The following RHOT2 variants were observed in gnomAD, a reference collection of about 807,000 sequenced individuals.
RHOT2 encodes the protein ras homolog family member T2, also known as mitochondrial Rho GTPase 2.
In RHOT2, 90 loss-of-function variants were observed where a neutral mutation model predicts 81.6. The ratio of observed to expected loss-of-function variants is 1.10; its 90% CI spans 0.93 to 1.31. RHOT2 has a LOEUF of 1.31. RHOT2 is among the 40% of genes most tolerant of loss of function. RHOT2 has a pLI of 0.00. For missense variants in RHOT2, 1,014 were observed against 841.9 expected (o/e 1.20, Z -2.53); for synonymous variants, 512 against 370.9 (o/e 1.38, Z -4.37).
In RHOT2 at chr16:671,166, G is replaced by C. The variant is rs376099799; in HGVS notation, c.832G>C (p.Asp278His). ...CATCCTGCGGCGCTTCGGCTACAGC[G>C]ATGCCCTGGAGCTGACTGCGGACTA... ...WTILRRFGYS[D>H]ALELTADYLS... Residue 278 changes from aspartate (D) to histidine (H), a missense_variant, in exon 11 of 19, where the codon GAT (aspartate) becomes CAT (histidine). By Grantham distance (81) the Asp-to-His change is moderately conservative (BLOSUM62 -1). Transcript: ENST00000315082. 3.8e-6 allele frequency: 6 copies of C among 1,589,334 alleles called. No homozygotes were observed. The African/African-American group carries it at 8.1e-5, about 21-fold the overall frequency.
chr16:668,651 C>G lies in RHOT2; in HGVS notation c.179-5C>G. ...GTCCGCAGTGGAGTCTCTTTGTCCC[C>G]CTAGAAGCCGAGCAGACGGACGAGG... On this transcript the variant is annotated splice_region_variant and splice_polypyrimidine_tract_variant and intron_variant, in intron 3 of 18. Transcript: ENST00000315082. 2.5e-6 allele frequency: 4 copies of G among 1,606,894 alleles called. No homozygotes were observed. Among genetic ancestry groups the G allele is most frequent in the Non-Finnish European group, 3.4e-6 (4 of 1,177,608 alleles).
Position 671,180 on chromosome 16 carries a change from G to C in RHOT2, c.846G>C (p.Leu282=), listed in dbSNP as rs2038871821. ...RRFGYSDALE[L]TADYLSPLIH... is the part of the protein sequence containing the mutation. ...TCGGCTACAGCGATGCCCTGGAGCT[G>C]ACTGCGGACTATCTCTCCCCTCTGT... Residue 282 remains leucine (L), a synonymous_variant, in exon 11 of 19, where the codon CTG becomes CTC. Transcript: ENST00000315082. 6.4e-7 allele frequency: 1 copy of C among 1,571,622 alleles called. No homozygotes were observed. Among genetic ancestry groups the C allele is most frequent in the East Asian group, 2.3e-5 (1 of 44,400 alleles).
At position 673,552 on chromosome 16, in the gene RHOT2, C is replaced by T. The variant is rs746071248; in HGVS notation, c.1803C>T (p.Ala601=). The T allele has an allele frequency of 2.0e-5, 32 of 1,612,144 alleles. No individual in the cohort carries two copies. The highest frequency in any genetic ancestry group is 2.7e-5 in the African/African-American group (2 of 74,898). Residue 601 remains alanine (A), a synonymous_variant, in exon 19 of 19, where the codon GCC becomes GCT. Transcript: ENST00000315082. ...GGCTGCTGGGGGTTGTCGGGGCCGC[C>T]GTGGCCGCAGTCCTCAGCTTCTCAC... ...LRGLLGVVGA[A]VAAVLSFSLY... is the part of the protein sequence containing the mutation.
At position 671,194 on chromosome 16, in the gene RHOT2, TCTCCC is replaced by T. The variant is rs781571887; in HGVS notation, c.864_868del (p.Pro289AspfsTer24). On this transcript the variant is annotated frameshift_variant, in exon 11 of 19. Coordinates refer to ENST00000315082, the MANE Select transcript of RHOT2 (RefSeq NM_138769.3). LOFTEE classifies it high-confidence loss of function. ...GCCCTGGAGCTGACTGCGGACTATCTCTCCCCTCTGTGAGTGATGCCGGGGCTTGA... is the reference window on the plus strand; with the variant it reads ...GCCCTGGAGCTGACTGCGGACTATCTCTCTGTGAGTGATGCCGGGGCTTGA... The T allele has an allele frequency of 3.2e-6, 5 of 1,554,028 alleles. No homozygotes were observed. In the South Asian group the frequency reaches 5.9e-5, roughly 18 times the overall value.
At chr16:672,847 G>A (rs772072698) in intron 17 of RHOT2, 22 bp downstream of exon 17, 34 of 1,612,510 alleles carry the variant, frequency 2.1e-5, no homozygotes, top group South Asian at 1.5e-4. Context: ...CAGGGGCCAC[G>A]TGGCCATGGG....
In RHOT2 at chr16:668,401, TC is replaced by T; in HGVS notation, c.90del (p.Glu31ArgfsTer71). 6.7e-7 allele frequency: 1 copy of T among 1,484,140 alleles called. No individual in the cohort carries two copies. 91.9% of individuals were successfully genotyped at this position (1,484,140 alleles called of 1,614,324 possible). ...ATCCTGTCCCTGGTGGGCGAGGAGT[TC>T]CCCGAGGAGGTAAGGGGCACGCCCG... ...SLILSLVGEE[F>X]PEEVPPRAEE... On this transcript the variant is annotated frameshift_variant, in exon 2 of 19. Transcript: ENST00000315082. LOFTEE classifies it high-confidence loss of function.
At position 669,745 on chromosome 16, in the gene RHOT2, C is replaced by CA. The variant is rs529967248; in HGVS notation, c.276+140dup. Reference sequence around the variant, plus strand: ...GACGTGGAGTTGCCTGACGTGGAGTCACCCGGCCCTCTCCTGTGATCCCAC... The same window carrying CA: ...GACGTGGAGTTGCCTGACGTGGAGTCAACCCGGCCCTCTCCTGTGATCCCAC... On this transcript the variant is annotated intron_variant, in intron 5 of 18. Transcript: ENST00000315082. 276 of 822,222 alleles carry CA rather than the reference C, an allele frequency of 3.4e-4. 1 individual carries two copies. The African/African-American group carries it at 4.2e-3, about 13-fold the overall frequency. The allele number at this position is 822,222 out of a possible 1,614,324, so 50.9% of individuals were successfully genotyped here.
intron 5 of RHOT2, 169 bp downstream of exon 5, chr16:669,775 C>T (rs1236593434): frequency 5.7e-6 from 4 of 698,976 alleles, no homozygotes; most frequent in Non-Finnish European, 9.9e-6. Context: ...TCCCACTTCC[C>T]CTGAGAGGGT....
intron 8 of RHOT2, 44 bp downstream of exon 8, chr16:670,601 CA>C (rs1369982789): frequency 1.3e-6 from 2 of 1,599,752 alleles, no homozygotes; most frequent in African/African-American, 1.3e-5. Flanking sequence ...CCCAGGGGCC[CA>C]GGGGGTGCTG....
In RHOT2 at chr16:669,584, C is replaced by CT. The variant is rs755703508; in HGVS notation, c.255dup (p.Glu86Ter). On this transcript the variant is annotated frameshift_variant, in exon 5 of 19. Transcript: ENST00000315082. LOFTEE classifies it high-confidence loss of function. ...GTGGTGTGTGTGGTGTATGACGTCT[C>CT]TGAGGAGGCCACCATTGAGAAGGTG... The CT allele has an allele frequency of 1.7e-5, 27 of 1,611,986 alleles. No homozygotes were observed. The highest frequency in any genetic ancestry group is 2.3e-5 in the Non-Finnish European group (27 of 1,179,936).
In RHOT2 at chr16:670,686, G is replaced by T; in HGVS notation, c.552G>T (p.Ala184=). The change falls in exon 9 of 19, where the codon GCG becomes GCT. Residue 184 remains alanine, a synonymous_variant. Transcript: ENST00000315082. ...CAACATCCCCACAGTTGAGGCCCGCGTGCGCCCAGGCGCTGACGCGCATCT... is the reference window on the plus strand; with the variant it reads ...CAACATCCCCACAGTTGAGGCCCGCTTGCGCCCAGGCGCTGACGCGCATCT... The part of the protein sequence containing the change: ...YDPEAKQLRP[A]CAQALTRIFR... 6.2e-7 allele frequency: 1 copy of T among 1,612,280 alleles called. No individual in the cohort carries two copies.
intron 9 of RHOT2, 40 bp downstream of exon 9, chr16:670,813 A>G: frequency 6.2e-7 from 1 of 1,605,428 alleles, no homozygotes; most frequent in Non-Finnish European, 8.5e-7. Flanking sequence ...GCCCCCTTGA[A>G]CCTCCGCTGC....
At chr16:673,302 G>A (rs2039278953) in intron 18 of RHOT2, 172 bp downstream of exon 18, 6 of 1,209,674 alleles carry the variant, frequency 5.0e-6, no homozygotes, top group Non-Finnish European at 7.1e-6. Flanking sequence ...GGAGCTTTGT[G>A]TGGCAGAGGG....
At position 673,132 on chromosome 16, in the gene RHOT2, TG is replaced by T; in HGVS notation, c.1730+5del. 5 of 1,610,398 alleles carry T rather than the reference TG, an allele frequency of 3.1e-6. No homozygotes were observed. The highest frequency in any genetic ancestry group is 3.4e-6 in the Non-Finnish European group (4 of 1,179,764). Reference sequence around the variant, plus strand: ...GCTCGCCACCATGGCCGCCTTCCCGTGGGTACCCAGTAGCGCAGCCCTGGGG... The same window carrying T: ...GCTCGCCACCATGGCCGCCTTCCCGTGGTACCCAGTAGCGCAGCCCTGGGG... On this transcript the variant is annotated splice_donor_region_variant and intron_variant, in intron 18 of 18. Transcript: ENST00000315082.
chr16:671,810 G>GCCCCCCCCCC (rs1596515049), intron 12 of RHOT2, 29 bp downstream of exon 12: 7 of 1,586,202 alleles, frequency 4.4e-6, no homozygotes, highest in Admixed American at 1.7e-5. Context: ...CCCTGCCCCT[G>GCCCCCCCCCC]CCCCCGCCCC....
intron 15 of RHOT2, 35 bp from the exon 16 acceptor site, chr16:672,454 G>A: frequency 6.2e-7 from 1 of 1,611,566 alleles, no homozygotes; most frequent in East Asian, 2.2e-5. Flanking sequence ...GGGGGGCACT[G>A]CAGCCAGCGA....
chr16:670,921 G>T lies in RHOT2; in HGVS notation c.669G>T (p.Pro223=), dbSNP rs372291769. ...CCTGCTTTGGGCACCCCCTGGCCCC[G>T]CAGGCCCTGGAGGACGTGAAGACGG... ...QKSCFGHPLA[P]QALEDVKTVV... Residue 223 remains proline, a synonymous_variant, in exon 10 of 19, where the codon CCG becomes CCT. Coordinates refer to ENST00000315082, the MANE Select transcript of RHOT2 (RefSeq NM_138769.3). 6.4e-7 allele frequency: 1 copy of T among 1,568,156 alleles called. No individual in the cohort carries two copies. Among genetic ancestry groups the T allele is most frequent in the East Asian group, 2.3e-5 (1 of 44,326 alleles).
chr16:673,585 G>T lies in RHOT2; in HGVS notation c.1836G>T (p.Arg612Ser), dbSNP rs1484982762. 12 of 1,609,098 alleles carry T rather than the reference G, an allele frequency of 7.5e-6. No homozygotes were observed. The highest frequency in any genetic ancestry group is 9.3e-6 in the Non-Finnish European group (11 of 1,179,024). ...CAGTCCTCAGCTTCTCACTCTACAG[G>T]GTCCTGGTGAAGAGCCAGTGAGGCC... ...VAAVLSFSLY[R>S]VLVKSQ The change falls in exon 19 of 19, where the codon AGG becomes AGT. Residue 612 changes from arginine (R) to serine (S), a missense_variant. By Grantham distance (110) the Arg-to-Ser change is moderately radical. Transcript: ENST00000315082.
At position 670,884 on chromosome 16, in the gene RHOT2, G is replaced by A. The variant is rs1409266694; in HGVS notation, c.640-8G>A. The A allele has an allele frequency of 1.9e-6, 3 of 1,578,722 alleles. No homozygotes were observed. The highest frequency in any genetic ancestry group is 1.3e-5 in the African/African-American group (1 of 74,136). ...GGCTGACTCCCAACAACGTTCTCTC[G>A]GAAGCAGAAATCCTGCTTTGGGCAC... On this transcript the variant is annotated splice_polypyrimidine_tract_variant and splice_region_variant and intron_variant, in intron 9 of 18. Transcript: ENST00000315082.
Sources: gnomAD v4.1 joint callset for allele counts on GRCh38, gnomAD v4.1.1 for gene constraint, MANE v1.5 for transcripts, NCBI Gene and HGNC (gene_info 2026-07-23, HGNC 2026-07-21) for gene names.